Variants in HUNK observed in about 807,000 individuals in gnomAD.
HUNK encodes the protein hormonally up-regulated Neu-associated kinase, also known as hormonally up-regulated neu tumor-associated kinase.
Under a neutral mutation model 61.0 loss-of-function variants are expected in HUNK, and 21 were observed. The observed-to-expected ratio is 0.34, with a 90% CI of 0.24 to 0.50. The LOEUF is 0.50. Among genes scored for constraint, HUNK ranks in the 20% least tolerant of loss-of-function variants. The probability of loss-of-function intolerance (pLI) is 0.98; values close to 1 mark genes in which losing one functional copy is unlikely to be tolerated. For synonymous variants in HUNK, 371 were observed against 386.1 expected, an observed-to-expected ratio of 0.96 and a Z score of 0.46; for missense variants, 772 against 945.7, an observed-to-expected ratio of 0.82 and a Z score of 2.41.
intron 9 of HUNK, among the ~76,000 whole-genome samples, chr21:31,993,171 C>T (rs532480417): frequency 2.6e-5 from 4 of 152,162 alleles, no homozygotes; most frequent in Middle Eastern, 6.8e-3. Flanking sequence ...TTGTCAGTGA[C>T]GGGAGAAATT....
In HUNK at chr21:31,958,987, T is replaced by G. The variant is rs776542545; in HGVS notation, c.874+17T>G. 3.2e-6 allele frequency: 5 copies of G among 1,586,338 alleles called. No homozygotes were observed. The highest frequency in any genetic ancestry group is 4.3e-6 in the Non-Finnish European group (5 of 1,168,408). On this transcript the variant is annotated intron_variant, in intron 5 of 10. Coordinates refer to ENST00000270112, the MANE Select transcript of HUNK (RefSeq NM_014586.2). ...TCTCCACAGGTAATGCACCAGCTGC[T>G]CTAGATCACGGTTCAGGACTGCTGT...
chr21:31,877,319 ACTGT>A (rs1193437559), intron 1 of HUNK, among the ~76,000 whole-genome samples: 2 of 152,116 alleles, frequency 1.3e-5, no homozygotes, highest in Non-Finnish European at 2.9e-5. Flanking sequence ...GCTGGGAATC[ACTGT>A]CTGAGTCCAG....
At chr21:31,993,504 G>A (rs113161326) in intron 9 of HUNK, among the ~76,000 whole-genome samples, 2 of 152,350 alleles carry the variant, frequency 1.3e-5, no homozygotes, top group African/African-American at 4.8e-5. Context: ...TGACAAAGGT[G>A]CATTTGATTA....
rs148100867 is a variant in HUNK, at chr21:31,887,192, T to A, written c.261+13257T>A. ...GGGGATTTAGTTAGGCACCTAGGTA[T>A]CTGAGTGACAGGTGACTAACCAGAA... On this transcript the variant is annotated intron_variant, in intron 1 of 10. Coordinates refer to ENST00000270112, the MANE Select transcript of HUNK (RefSeq NM_014586.2). Among the ~76,000 whole-genome samples the A allele has an allele frequency of 3.4e-3, 515 of 152,304 alleles. 2 individuals are homozygous for A. Among genetic ancestry groups the A allele is most frequent in the African/African-American group, 0.012 (495 of 41,568 alleles).
At chr21:31,952,025 A>ATTTTTT (rs66539485) in intron 4 of HUNK, among the ~76,000 whole-genome samples, 2 of 150,720 alleles carry the variant, frequency 1.3e-5, no homozygotes, top group African/African-American at 4.9e-5. Context: ...AAAGTACGAG[A>ATTTTTT]TTTTTTTTTT....
chr21:31,885,368 C>A (rs549607651), intron 1 of HUNK, among the ~76,000 whole-genome samples: 1 of 152,208 alleles, frequency 6.6e-6, no homozygotes, highest in Admixed American at 6.5e-5. Flanking sequence ...GGCCGACAGG[C>A]GGGCCCTGCT....
rs2053248352 is a variant in HUNK at position 32,001,807 on chromosome 21, C to T, written c.*2623C>T. 1 of 152,624 alleles carries T rather than the reference C, an allele frequency of 6.6e-6. No individual in the cohort carries two copies. Among genetic ancestry groups the T allele is most frequent in the African/African-American group, 2.4e-5 (1 of 41,446 alleles). 9.5% of individuals were successfully genotyped at this position (152,624 alleles called of 1,614,324 possible). On this transcript the variant is annotated 3_prime_UTR_variant, in exon 11 of 11. Coordinates refer to ENST00000270112, the MANE Select transcript of HUNK (RefSeq NM_014586.2). ...ATGTTGTCTGTTCGACCGTGACTGT[C>T]TTCCTCAGTCTGTGCCTGTGATTCC...
At chr21:31,916,174 C>G (rs1215754473) in intron 1 of HUNK, among the ~76,000 whole-genome samples, 1 of 151,356 alleles carries the variant, frequency 6.6e-6, no homozygotes, top group Non-Finnish European at 1.5e-5. Flanking sequence ...CCTCAGCCTC[C>G]CGAGTAGCTG....
intron 2 of HUNK, among the ~76,000 whole-genome samples, chr21:31,926,277 A>ATG (rs1289705217): frequency 1.3e-5 from 2 of 152,158 alleles, no homozygotes; most frequent in South Asian, 4.1e-4. Context: ...TGACATATTT[A>ATG]TGTGTGTGTA....
intron 2 of HUNK, among the ~76,000 whole-genome samples, chr21:31,931,935 C>A (rs182227023): frequency 1.4e-5 from 2 of 144,240 alleles, no homozygotes; most frequent in Non-Finnish European, 3.1e-5. Context: ...CACACACACA[C>A]GCGCGCCCAC....
intron 5 of HUNK, among the ~76,000 whole-genome samples, chr21:31,962,410 A>T (rs1228192505): frequency 1.3e-5 from 2 of 152,216 alleles, no homozygotes; most frequent in East Asian, 3.8e-4. Context: ...CTGGGCTCTA[A>T]GTGTTTTTTG....
At chr21:31,932,890 T>A (rs111418751) in intron 2 of HUNK, among the ~76,000 whole-genome samples, 2,193 of 148,728 alleles carry the variant, frequency 0.015, 41 homozygotes, top group African/African-American at 0.051. Flanking sequence ...CACCAACCCA[T>A]CCTCCTGCGC....
rs545621755 is a variant in HUNK, at chr21:31,979,407, G to A, written c.1174-4119G>A. 1.6e-4 allele frequency among the ~76,000 whole-genome samples: 23 copies of A among 146,510 alleles called. No individual in the cohort carries two copies. In the East Asian group the frequency reaches 4.1e-3, roughly 26 times the overall value. On this transcript the variant is annotated intron_variant, in intron 7 of 10. Coordinates refer to ENST00000270112, the MANE Select transcript of HUNK (RefSeq NM_014586.2). Reference sequence around the variant, plus strand: ...GCTGGGATTACAGGTGTGAGCCACCGCGCCCGGCCCCTATTGGCCATTTCT... The same window carrying A: ...GCTGGGATTACAGGTGTGAGCCACCACGCCCGGCCCCTATTGGCCATTTCT...
chr21:31,965,893 C>T (rs182510395), intron 5 of HUNK, among the ~76,000 whole-genome samples: 1 of 152,230 alleles, frequency 6.6e-6, no homozygotes, highest in Non-Finnish European at 1.5e-5. Context: ...TGAGCCACTG[C>T]TCCTGGCAAT....
intron 4 of HUNK, among the ~76,000 whole-genome samples, chr21:31,948,095 G>T (rs1214124566): frequency 6.6e-6 from 1 of 152,132 alleles, no homozygotes; most frequent in African/African-American, 2.4e-5. Context: ...GAATAAAATC[G>T]CCCAAGGTCA....
intron 8 of HUNK, among the ~76,000 whole-genome samples, chr21:31,986,181 G>A (rs1401705942): frequency 2.0e-5 from 3 of 151,928 alleles, no homozygotes; most frequent in Non-Finnish European, 2.9e-5. Flanking sequence ...AATCTAGCAC[G>A]CTCTGAACCA....
At chr21:31,952,372 G>A (rs954600367) in intron 4 of HUNK, among the ~76,000 whole-genome samples, 5 of 152,114 alleles carry the variant, frequency 3.3e-5, no homozygotes, top group African/African-American at 7.2e-5. Context: ...TGCATCTCCC[G>A]AAGGTCCTCT....
intron 1 of HUNK, among the ~76,000 whole-genome samples, chr21:31,908,550 G>A (rs1401726268): frequency 6.6e-6 from 1 of 152,124 alleles, no homozygotes; most frequent in African/African-American, 2.4e-5. Context: ...CAGCGAGGAG[G>A]AACGGTTGTG....
At chr21:31,946,653 C>T (rs1322733461) in intron 4 of HUNK, among the ~76,000 whole-genome samples, 1 of 152,008 alleles carries the variant, frequency 6.6e-6, no homozygotes, top group Non-Finnish European at 1.5e-5. Flanking sequence ...CTTTCTCTGT[C>T]GCCCAGGCTA....
Sources: allele counts gnomAD v4.1 joint callset (sites outside exome capture counted in the v4.1 genomes callset), GRCh38; gene constraint gnomAD v4.1.1; transcripts MANE v1.5; gene names NCBI Gene and HGNC (gene_info 2026-07-23, HGNC 2026-07-21).